Variants in PASK observed in about 807,000 individuals in gnomAD.
PASK encodes the protein PAS domain containing serine/threonine kinase, also known as PAS domain-containing serine/threonine-protein kinase.
PASK carries 110 observed loss-of-function variants against 121.0 expected under a neutral mutation model. That is an observed-to-expected ratio of 0.91 (90% confidence interval 0.78 to 1.06). The LOEUF is 1.06. Among genes scored for constraint, PASK ranks in the 50% least tolerant of loss-of-function variants. The pLI is 0.00. For synonymous variants in PASK, 686 were observed against 717.8 expected (o/e 0.96, Z 0.71); for missense variants, 1,643 against 1,702.3 (o/e 0.97, Z 0.61).
intron 1 of PASK, 85 bp from the exon 2 acceptor site, chr2:241,143,159 A>G (rs1240878641): frequency 1.3e-6 from 1 of 767,644 alleles, no homozygotes; most frequent in Non-Finnish European, 2.2e-6. Flanking sequence ...TGCTGAGTTC[A>G]GCTCGGCCCC....
At chr2:241,150,208 C>A, upstream of PASK, 1 of 1,275,624 alleles carries the variant, frequency 7.8e-7, no homozygotes, top group Non-Finnish European at 9.9e-7. Context: ...CGTCTGCCTG[C>A]AGCTACGGCT....
At chr2:241,115,238 G>A (rs1373011382) in intron 13 of PASK, 50 bp downstream of exon 13, 2 of 1,613,846 alleles carry the variant, frequency 1.2e-6, no homozygotes, top group Non-Finnish European at 1.7e-6. Context: ...ACAAATTGAA[G>A]ACATTTGACA....
chr2:241,136,714 C>A (rs907691886), intron 7 of PASK, among the ~76,000 whole-genome samples: 1 of 152,210 alleles, frequency 6.6e-6, no homozygotes, highest in Non-Finnish European at 1.5e-5. Context: ...AGAAATGAAC[C>A]CCCGCAGTTG....
At chr2:241,106,744 CTG>C (rs2064900304) in intron 17 of PASK, 21 bp from the exon 18 acceptor site, 4 of 1,612,458 alleles carry the variant, frequency 2.5e-6, no homozygotes, top group Non-Finnish European at 3.4e-6. Context: ...AAGAAGGTAA[CTG>C]TATCACGTGC....
intron 12 of PASK, among the ~76,000 whole-genome samples, chr2:241,118,072 C>T (rs770706743): frequency 6.6e-6 from 1 of 152,128 alleles, no homozygotes; most frequent in Non-Finnish European, 1.5e-5. Context: ...GTTAAGATGA[C>T]AATACTCTCC....
rs142455788 is a variant in PASK at position 241,126,667 on chromosome 2, C to T, written c.2248G>A (p.Asp750Asn). 6.2e-7 allele frequency: 1 copy of T among 1,614,202 alleles called. No homozygotes were observed. Among genetic ancestry groups the T allele is most frequent in the Non-Finnish European group, 8.5e-7 (1 of 1,180,044 alleles). ...TTTGATGACGTTTGGTCTGTCTGGTCACTGAAAAAGAGTTCCTTGAGGTTC... is the reference window on the plus strand; with the variant it reads ...TTTGATGACGTTTGGTCTGTCTGGTTACTGAAAAAGAGTTCCTTGAGGTTC... ...SWNLKELFFSDQTDQTSSNCS... is the reference protein window; with the variant it reads ...SWNLKELFFSNQTDQTSSNCS... The change falls in exon 10 of 18, where the codon GAC becomes AAC. Residue 750 changes from aspartate (D) to asparagine (N), a missense_variant. This residue lies in a region of PASK where 1,176 missense variants were observed against 1,162.2 expected (regional missense o/e 1.01). Transcript: ENST00000234040.
chr2:241,125,555 G>A (rs1178907508), intron 10 of PASK, among the ~76,000 whole-genome samples: 5 of 148,552 alleles, frequency 3.4e-5, no homozygotes, highest in Admixed American at 1.3e-4. Flanking sequence ...AGCTGAGATC[G>A]CGCTACTGCA....
chr2:241,143,800 C>G (rs2066823397), intron 1 of PASK, among the ~76,000 whole-genome samples: 1 of 152,354 alleles, frequency 6.6e-6, no homozygotes, highest in African/African-American at 2.4e-5. Context: ...ATCCGACCAG[C>G]TGTGCACAGA....
chr2:241,114,157 G>A lies in PASK; in HGVS notation c.3333+886C>T, dbSNP rs1050103708. The A allele has an allele frequency of 5.1e-6, 5 of 984,592 alleles. No homozygotes were observed. The East Asian group carries it at 3.4e-4, about 67-fold the overall frequency. 61.0% of individuals were successfully genotyped at this position (984,592 alleles called of 1,614,324 possible). On this transcript the variant is annotated intron_variant, in intron 14 of 17. Coordinates refer to ENST00000234040, the MANE Select transcript of PASK (RefSeq NM_015148.4). ...AAGTGTTGGCCACAAACTAAAGGGA[G>A]GACGTCACCTTCCAACACAGGAAGA...
intron 10 of PASK, among the ~76,000 whole-genome samples, chr2:241,124,937 C>T (rs1347522039): frequency 2.0e-5 from 3 of 152,070 alleles, no homozygotes; most frequent in African/African-American, 7.2e-5. Context: ...GAGGCCGAGG[C>T]GGGCGGATCA....
intron 9 of PASK, among the ~76,000 whole-genome samples, chr2:241,131,082 CGG>C (rs1286694088): frequency 6.6e-6 from 1 of 151,928 alleles, no homozygotes; most frequent in Non-Finnish European, 1.5e-5. Flanking sequence ...GATTGGAAGA[CGG>C]CCAGGGGAAC....
intron 2 of PASK, among the ~76,000 whole-genome samples, chr2:241,141,141 G>C (rs997190): frequency 0.089 from 13,544 of 152,222 alleles, 846 homozygotes; most frequent in East Asian, 0.26. Flanking sequence ...GTAAAAATCA[G>C]TTGGGCATAG....
chr2:241,114,033 A>G, intron 14 of PASK: 2 of 984,556 alleles, frequency 2.0e-6, no homozygotes, highest in East Asian at 1.1e-4. Context: ...GTGTCTCACT[A>G]GCCCCAGAAT....
At chr2:241,140,128 G>A in intron 3 of PASK, 73 bp from the exon 4 acceptor site, 1 of 1,237,208 alleles carries the variant, frequency 8.1e-7, no homozygotes, top group Non-Finnish European at 1.2e-6. Context: ...AACAGCCCAG[G>A]ACGACCATGC....
Position 241,108,945 on chromosome 2 carries a change from G to A in PASK, c.3534-645C>T, listed in dbSNP as rs556002288. 1.3e-5 allele frequency: 2 copies of A among 158,506 alleles called. No homozygotes were observed. Among genetic ancestry groups the A allele is most frequent in the East Asian group, 1.9e-4 (1 of 5,300 alleles). 9.8% of individuals were successfully genotyped at this position (158,506 alleles called of 1,614,324 possible). ...AGGACTATTGTTACTTCCTGTCGCC[G>A]TAAACATCCTCATCCACGCTACCAT... On this transcript the variant is annotated intron_variant, in intron 15 of 17. Transcript: ENST00000234040. This position sits in a 1 kb window ranked among gnomAD's most constrained non-coding sequence, Gnocchi z 5.2.
upstream of PASK, chr2:241,149,799 G>A (rs1014219267): frequency 4.6e-6 from 7 of 1,534,040 alleles, no homozygotes; most frequent in South Asian, 7.1e-5. Flanking sequence ...GCTCCGCAGG[G>A]TAGACGAAGG....
At chr2:241,143,195 T>C in intron 1 of PASK, 121 bp from the exon 2 acceptor site, 1 of 678,494 alleles carries the variant, frequency 1.5e-6, no homozygotes, top group South Asian at 1.6e-5. Flanking sequence ...CCAACCGCCA[T>C]CCTGGGTCAG....
chr2:241,122,951 G>A (rs761262257), intron 11 of PASK, 52 bp from the exon 12 acceptor site: 3 of 1,577,182 alleles, frequency 1.9e-6, no homozygotes, highest in African/African-American at 1.4e-5. Context: ...ACCGGGCAGA[G>A]GTGCAGCACC....
At chr2:241,115,687 ACCCAGTCCTCAAGCATCCCATTACACCG>A (rs2065310239) in intron 12 of PASK, among the ~76,000 whole-genome samples, 2 of 117,682 alleles carry the variant, frequency 1.7e-5, no homozygotes, top group Middle Eastern at 4.4e-3. Context: ...CACCAGGGCC[ACCCAGTCCTCAAGCATCCCATTACACCG>A]GGGCCACCCG....
Sources: gnomAD v4.1 joint callset for allele counts (sites outside exome capture counted in the v4.1 genomes callset) on GRCh38, gnomAD v4.1.1 for gene constraint, gnomAD v4.1.1 regional missense constraint, Gnocchi (gnomAD v3.1) non-coding constraint, MANE v1.5 for transcripts, NCBI Gene and HGNC (gene_info 2026-07-23, HGNC 2026-07-21) for gene names.